The following ABLIM1 variants were observed in gnomAD, a reference collection of about 807,000 sequenced individuals.
The protein encoded by ABLIM1 is actin-binding LIM protein 1.
In ABLIM1, 40 loss-of-function variants were observed where a neutral mutation model predicts 107.0. The observed-to-expected ratio is 0.37, with a 90% CI of 0.29 to 0.49. The LOEUF is 0.49. Among genes scored for constraint, ABLIM1 ranks in the 20% least tolerant of loss-of-function variants. The pLI is 0.97. For missense variants in ABLIM1, 857 were observed against 1,008.5 expected (o/e 0.85, Z 2.04); for synonymous variants, 357 against 357.3 (o/e 1.00, Z 0.01).
chr10:114,569,445 G>A (rs572929532), intron 4 of ABLIM1, among the ~76,000 whole-genome samples: 4 of 151,626 alleles, frequency 2.6e-5, no homozygotes, highest in Non-Finnish European at 4.4e-5. Flanking sequence ...TTAGCCTCCC[G>A]AGTAGCTGGG....
chr10:114,628,564 C>T (rs1041826201), intron 1 of ABLIM1, among the ~76,000 whole-genome samples: 5 of 152,166 alleles, frequency 3.3e-5, no homozygotes, highest in African/African-American at 9.7e-5. Flanking sequence ...CACTGGGTCC[C>T]GCTCTATCCC....
At chr10:114,732,180 CTTTTTT>C (rs113276247) in intron 1 of ABLIM1, among the ~76,000 whole-genome samples, 73 of 109,880 alleles carry the variant, frequency 6.6e-4, no homozygotes, top group Admixed American at 4.8e-4. Context: ...CTTTTCTTTT[CTTTTTT>C]TTTTTTTTTT....
intron 20 of ABLIM1, 68 bp downstream of exon 20, chr10:114,440,014 G>A (rs375699261): frequency 5.0e-6 from 8 of 1,612,182 alleles, no homozygotes; most frequent in Non-Finnish European, 6.8e-6. Flanking sequence ...CTTGGAGCCA[G>A]CAGTCTGGGT....
intron 12 of ABLIM1, among the ~76,000 whole-genome samples, chr10:114,464,109 G>A (rs1377311670): frequency 1.3e-5 from 2 of 151,816 alleles, no homozygotes; most frequent in Non-Finnish European, 2.9e-5. Context: ...ATAACCCCAC[G>A]CCGCTCCGGC....
rs561265800 is a variant in ABLIM1 at position 114,760,492 on chromosome 10, T to C, written c.-213+7569A>G. 7.1e-4 allele frequency among the ~76,000 whole-genome samples: 108 copies of C among 151,550 alleles called. 1 individual carries two copies. Among genetic ancestry groups the C allele is most frequent in the African/African-American group, 2.6e-3 (107 of 41,324 alleles). On this transcript the variant is annotated intron_variant, in intron 1 of 15. Coordinates refer to the ABLIM1 transcript ENST00000651092. The stretch of plus-strand genomic sequence containing the variant: ...ATAGCTCAAGAACTGATCTAAGGAT[T>C]GATTTTACTACAAATTCAAGGACAC...
chr10:114,705,670 A>C, intron 1 of ABLIM1, among the ~76,000 whole-genome samples: 1 of 152,234 alleles, frequency 6.6e-6, no homozygotes, highest in East Asian at 1.9e-4. Context: ...TGATAGGCAC[A>C]AAAACTAAAG....
chr10:114,553,838 T>C (rs1185662487), intron 4 of ABLIM1, among the ~76,000 whole-genome samples: 5 of 152,160 alleles, frequency 3.3e-5, no homozygotes, highest in Non-Finnish European at 7.4e-5. Flanking sequence ...AGTGATGTGG[T>C]GTGAATTTCC....
chr10:114,771,525 T>C (rs2083025030), upstream of ABLIM1, among the ~76,000 whole-genome samples: 1 of 152,206 alleles, frequency 6.6e-6, no homozygotes, highest in Admixed American at 6.5e-5. Flanking sequence ...TTGTGATATA[T>C]GGAAATGACA....
intron 1 of ABLIM1, among the ~76,000 whole-genome samples, chr10:114,720,730 TA>T (rs1045851261): frequency 1.1e-3 from 151 of 140,592 alleles, no homozygotes; most frequent in South Asian, 1.4e-3. Context: ...TGCATTGAAA[TA>T]AAAAAAAAAA....
At chr10:114,456,639 C>A (rs980875926) in intron 12 of ABLIM1, among the ~76,000 whole-genome samples, 7 of 152,306 alleles carry the variant, frequency 4.6e-5, no homozygotes, top group African/African-American at 1.7e-4. Flanking sequence ...TCATTATTAG[C>A]CAGTGTCACG....
At chr10:114,617,601 G>T (rs983386089) in intron 1 of ABLIM1, among the ~76,000 whole-genome samples, 7 of 152,008 alleles carry the variant, frequency 4.6e-5, no homozygotes, top group African/African-American at 1.7e-4. Context: ...TGTTTTATCT[G>T]CAAGGGACCT....
At chr10:114,540,429 T>G (rs1249150262) in intron 6 of ABLIM1, among the ~76,000 whole-genome samples, 1 of 152,198 alleles carries the variant, frequency 6.6e-6, no homozygotes, top group Non-Finnish European at 1.5e-5. Flanking sequence ...ACCCAGAGCC[T>G]TTTCAACTGA....
chr10:114,715,955 T>G (rs1454688257), intron 1 of ABLIM1, among the ~76,000 whole-genome samples: 1 of 152,166 alleles, frequency 6.6e-6, no homozygotes, highest in Admixed American at 6.5e-5. Flanking sequence ...TCCTAAGAGT[T>G]AGGGACACAG....
At chr10:114,745,713 C>T (rs1338275015) in intron 1 of ABLIM1, among the ~76,000 whole-genome samples, 5 of 152,120 alleles carry the variant, frequency 3.3e-5, no homozygotes, top group Non-Finnish European at 5.9e-5. Flanking sequence ...TGGTGGCTTA[C>T]GCCTGCAATC....
At chr10:114,648,739 T>C (rs1247083924) in intron 1 of ABLIM1, among the ~76,000 whole-genome samples, 5 of 152,172 alleles carry the variant, frequency 3.3e-5, no homozygotes, top group Non-Finnish European at 5.9e-5. Context: ...AAGCACTGCG[T>C]TATAGTCTGA....
At chr10:114,765,742 G>A (rs886527417) in intron 1 of ABLIM1, among the ~76,000 whole-genome samples, 1 of 151,932 alleles carries the variant, frequency 6.6e-6, no homozygotes, top group Non-Finnish European at 1.5e-5. Flanking sequence ...AAAAAGATAC[G>A]TAAAATCCTC....
intron 1 of ABLIM1, among the ~76,000 whole-genome samples, chr10:114,671,905 C>G (rs2080272046): frequency 6.6e-6 from 1 of 152,160 alleles, no homozygotes; most frequent in South Asian, 2.1e-4. Flanking sequence ...CTCTGCCACT[C>G]AGGCTGGAGT....
intron 1 of ABLIM1, among the ~76,000 whole-genome samples, chr10:114,717,936 G>A (rs990241632): frequency 7.3e-6 from 1 of 136,368 alleles, no homozygotes; most frequent in African/African-American, 2.7e-5. Flanking sequence ...AGGGGGGGAA[G>A]GGGAGGGGAG....
chr10:114,616,664 A>G (rs1421614298), intron 1 of ABLIM1, among the ~76,000 whole-genome samples: 1 of 152,306 alleles, frequency 6.6e-6, no homozygotes, highest in Non-Finnish European at 1.5e-5. Flanking sequence ...TCCTTGACTC[A>G]GCTATCTCAG....
Sources: gnomAD v4.1 joint callset for allele counts (sites outside exome capture counted in the v4.1 genomes callset) on GRCh38, gnomAD v4.1.1 for gene constraint, MANE v1.5 for transcripts, NCBI Gene and HGNC (gene_info 2026-07-23, HGNC 2026-07-21) for gene names.